The following ST6GALNAC3 variants were observed in gnomAD, a reference collection of about 807,000 sequenced individuals.
The protein encoded by ST6GALNAC3 is alpha-N-acetylgalactosaminide alpha-2,6-sialyltransferase 3.
Under a neutral mutation model 32.7 loss-of-function variants are expected in ST6GALNAC3, and 25 were observed. The observed-to-expected ratio is 0.76, with a 90% confidence interval of 0.56 to 1.07. The LOEUF (loss-of-function observed/expected upper bound fraction) is 1.07, where lower values mean the gene tolerates loss of function less well. Among genes scored for constraint, ST6GALNAC3 ranks in the 50% least tolerant of loss-of-function variants. ST6GALNAC3 has a pLI of 0.00. For synonymous variants in ST6GALNAC3, 129 were observed against 133.1 expected, an observed-to-expected ratio of 0.97 and a Z score of 0.21; for missense variants, 355 against 382.4, an observed-to-expected ratio of 0.93 and a Z score of 0.60.
chr1:76,311,501 A>C (rs935246882), intron 1 of ST6GALNAC3, among the ~76,000 whole-genome samples: 2 of 151,496 alleles, frequency 1.3e-5, no homozygotes, highest in Non-Finnish European at 2.9e-5. Flanking sequence ...TCATTGTTCA[A>C]CTCCCACTTA....
chr1:76,225,517 C>T (rs1470322303), intron 1 of ST6GALNAC3, among the ~76,000 whole-genome samples: 2 of 152,116 alleles, frequency 1.3e-5, no homozygotes, highest in South Asian at 4.1e-4. Context: ...CTCCCTGCCC[C>T]AACCCCACCA....
At chr1:76,347,597 C>T (rs1648627333) in intron 2 of ST6GALNAC3, among the ~76,000 whole-genome samples, 1 of 151,988 alleles carries the variant, frequency 6.6e-6, no homozygotes, top group Admixed American at 6.6e-5. Context: ...TCTTGGCAAA[C>T]CCTATCAGAT....
intron 1 of ST6GALNAC3, among the ~76,000 whole-genome samples, chr1:76,302,419 G>A (rs1012736983): frequency 6.6e-6 from 1 of 151,970 alleles, no homozygotes; most frequent in African/African-American, 2.4e-5. Context: ...CTTTCTGAAT[G>A]GAAGCTTTCT....
rs141164067 is a variant in ST6GALNAC3 at position 76,587,433 on chromosome 1, G to A, written c.624-40019G>A. ...GACTGTGGCTTTGAGATGCCTGGCTGACGGGCAAAGTTCTCTAGATGCTGA... is the reference window on the plus strand; with the variant it reads ...GACTGTGGCTTTGAGATGCCTGGCTAACGGGCAAAGTTCTCTAGATGCTGA... On this transcript the variant is annotated intron_variant, in intron 3 of 4. Coordinates refer to ENST00000328299, the MANE Select transcript of ST6GALNAC3 (RefSeq NM_152996.4). Among the ~76,000 whole-genome samples, 94 of 152,300 alleles carry A rather than the reference G, an allele frequency of 6.2e-4. 1 individual carries two copies. Among genetic ancestry groups the A allele is most frequent in the African/African-American group, 2.2e-3 (90 of 41,570 alleles).
chr1:76,597,716 C>T (rs1235675088), intron 3 of ST6GALNAC3, among the ~76,000 whole-genome samples: 1 of 152,052 alleles, frequency 6.6e-6, no homozygotes, highest in East Asian at 1.9e-4. Flanking sequence ...ACCAAAAGTA[C>T]ACCTAAGTAG....
chr1:76,252,075 A>G (rs1320169443), intron 1 of ST6GALNAC3, among the ~76,000 whole-genome samples: 1 of 152,152 alleles, frequency 6.6e-6, no homozygotes, highest in Non-Finnish European at 1.5e-5. Context: ...GAGCGTTGGT[A>G]TGGTGGGAAA....
At position 76,433,171 on chromosome 1, in the gene ST6GALNAC3, CT is replaced by C. The variant is rs200353016; in HGVS notation, c.623+20755del. Among the ~76,000 whole-genome samples, 244 of 152,258 alleles carry C rather than the reference CT, an allele frequency of 1.6e-3. 1 individual carries two copies. Among genetic ancestry groups the C allele is most frequent in the Middle Eastern group, 6.8e-3 (2 of 294 alleles). On this transcript the variant is annotated intron_variant, in intron 3 of 4. Coordinates refer to ENST00000328299, the MANE Select transcript of ST6GALNAC3 (RefSeq NM_152996.4). ...CTGATTTGATCACTGTCTTTTCTCTCTCCCTTTGAAAGCTTTCTCTGTTCTG... is the reference window on the plus strand; with the variant it reads ...CTGATTTGATCACTGTCTTTTCTCTCCCCTTTGAAAGCTTTCTCTGTTCTG...
chr1:76,180,291 A>C (rs1225399335), intron 1 of ST6GALNAC3, among the ~76,000 whole-genome samples: 1 of 152,214 alleles, frequency 6.6e-6, no homozygotes, highest in African/African-American at 2.4e-5. Context: ...TAATGTTAAA[A>C]ATAAAGGTAA....
chr1:76,222,592 C>T (rs1655835605), intron 1 of ST6GALNAC3, among the ~76,000 whole-genome samples: 1 of 152,210 alleles, frequency 6.6e-6, no homozygotes, highest in East Asian at 1.9e-4. Context: ...AGCACACCAG[C>T]ATGGCACATG....
At chr1:76,378,433 G>T (rs757348460) in intron 2 of ST6GALNAC3, among the ~76,000 whole-genome samples, 1 of 152,046 alleles carries the variant, frequency 6.6e-6, no homozygotes, top group Non-Finnish European at 1.5e-5. Context: ...AGGCCAAGGT[G>T]GGCAGATCAC....
At chr1:76,174,955 A>G (rs575911973) in intron 1 of ST6GALNAC3, among the ~76,000 whole-genome samples, 4 of 152,284 alleles carry the variant, frequency 2.6e-5, no homozygotes, top group Admixed American at 1.3e-4. Context: ...GGCATGACCA[A>G]CTGCACTCAG....
Position 76,083,988 on chromosome 1 carries a change from A to G in ST6GALNAC3, c.18+9104A>G, listed in dbSNP as rs151274200. 1.6e-3 allele frequency among the ~76,000 whole-genome samples: 244 copies of G among 152,368 alleles called. 1 individual carries two copies. Among genetic ancestry groups the G allele is most frequent in the African/African-American group, 5.6e-3 (234 of 41,584 alleles). On this transcript the variant is annotated intron_variant, in intron 1 of 4. Coordinates refer to ENST00000328299, the MANE Select transcript of ST6GALNAC3 (RefSeq NM_152996.4). ...TTATTTTTAAAAGGTAAATTAATTA[A>G]AATGAAATGAAATTTTAAAAATGTG...
intron 1 of ST6GALNAC3, among the ~76,000 whole-genome samples, chr1:76,251,509 G>C (rs1657615703): frequency 6.6e-6 from 1 of 152,004 alleles, no homozygotes; most frequent in Non-Finnish European, 1.5e-5. Flanking sequence ...ACCCTTCACT[G>C]TTCTCTCCTC....
intron 1 of ST6GALNAC3, among the ~76,000 whole-genome samples, chr1:76,192,899 GA>G (rs1176975721): frequency 6.6e-6 from 1 of 152,088 alleles, no homozygotes; most frequent in East Asian, 1.9e-4. Context: ...GGGAACTGGG[GA>G]CTTTTGTTTA....
chr1:76,323,595 G>C (rs1007112912), intron 2 of ST6GALNAC3, among the ~76,000 whole-genome samples: 1 of 152,152 alleles, frequency 6.6e-6, no homozygotes, highest in African/African-American at 2.4e-5. Flanking sequence ...AACGCACTGT[G>C]CTAGGCTCTG....
chr1:76,491,906 T>C (rs910874295), intron 3 of ST6GALNAC3, among the ~76,000 whole-genome samples: 6 of 152,240 alleles, frequency 3.9e-5, no homozygotes, highest in African/African-American at 1.4e-4. Context: ...TATCTCTTTT[T>C]CAAGTCCTAC....
At chr1:76,467,141 A>G (rs1658689577) in intron 3 of ST6GALNAC3, among the ~76,000 whole-genome samples, 1 of 152,074 alleles carries the variant, frequency 6.6e-6, no homozygotes, top group Non-Finnish European at 1.5e-5. Context: ...AGAGAGAGAC[A>G]TTCTTCCAGA....
At position 76,543,773 on chromosome 1, in the gene ST6GALNAC3, C is replaced by T. The variant is rs902112960; in HGVS notation, c.624-83679C>T. Among the ~76,000 whole-genome samples, 8 of 152,184 alleles carry T rather than the reference C, an allele frequency of 5.3e-5. No homozygotes were observed. The East Asian group carries it at 5.8e-4, about 11-fold the overall frequency. On this transcript the variant is annotated intron_variant, in intron 3 of 4. Transcript: ENST00000328299. ...CCTAGTAACATCCAAAGGCTCAAGC[C>T]GATGTATCTTTTTCAACCACAGAGC...
At chr1:76,154,615 CTCT>C (rs1651278777) in intron 1 of ST6GALNAC3, among the ~76,000 whole-genome samples, 1 of 152,276 alleles carries the variant, frequency 6.6e-6, no homozygotes, top group African/African-American at 2.4e-5. Flanking sequence ...ATCCAGGCTG[CTCT>C]TCTTTGTCCC....
Sources: allele counts gnomAD v4.1 joint callset (sites outside exome capture counted in the v4.1 genomes callset), GRCh38; gene constraint gnomAD v4.1.1; transcripts MANE v1.5; gene names NCBI Gene and HGNC (gene_info 2026-07-23, HGNC 2026-07-21).